KMT2A: variants seen among roughly 807,000 people sequenced by gnomAD.
KMT2A encodes lysine methyltransferase 2A, also known as histone-lysine N-methyltransferase 2A.
A neutral mutation model predicts 345.3 loss-of-function variants in KMT2A; 16 were observed. The observed-to-expected ratio is 0.05, with a 90% CI of 0.03 to 0.07. The LOEUF (loss-of-function observed/expected upper bound fraction) is 0.07. KMT2A is among the 10% of genes least tolerant of loss of function. The pLI, the probability that KMT2A is intolerant of heterozygous loss-of-function variation, is 1.00. For synonymous variants in KMT2A, 1,599 were observed against 1,778.6 expected, an observed-to-expected ratio of 0.90 and a Z score of 2.54; for missense variants, 3,272 against 4,841.6, an observed-to-expected ratio of 0.68 and a Z score of 9.62.
intron 1 of KMT2A, among the ~76,000 whole-genome samples, chr11:118,464,678 T>A (rs1949808987): frequency 6.6e-6 from 1 of 152,156 alleles, no homozygotes; most frequent in African/African-American, 2.4e-5. Flanking sequence ...TCCTGAAGCA[T>A]GTCTTTGAAG....
Position 118,463,816 on chromosome 11 carries a change from G to A in KMT2A, c.433-4959G>A, listed in dbSNP as rs781950365. ...AAAAACTGCAGAATTTCAAAATTTTGTATGCACCAAAATAAACTTGCACTA... is the reference window on the plus strand; with the variant it reads ...AAAAACTGCAGAATTTCAAAATTTTATATGCACCAAAATAAACTTGCACTA... On this transcript the variant is annotated intron_variant, in intron 1 of 35. Coordinates refer to ENST00000534358, the MANE Select transcript of KMT2A (RefSeq NM_001197104.2). 5.9e-5 allele frequency among the ~76,000 whole-genome samples: 9 copies of A among 152,222 alleles called. No individual in the cohort carries two copies. The South Asian group carries it at 8.3e-4, about 14-fold the overall frequency.
Position 118,473,372 on chromosome 11 carries a change from G to T in KMT2A, c.2213G>T (p.Arg738Ile), listed in dbSNP as rs1555036415. 1 of 1,614,050 alleles carries T rather than the reference G, an allele frequency of 6.2e-7. No homozygotes were observed. Among genetic ancestry groups the T allele is most frequent in the Non-Finnish European group, 8.5e-7 (1 of 1,179,978 alleles). Residue 738 changes from arginine to isoleucine, a missense_variant, in exon 3 of 36, where the codon AGA (arginine) becomes ATA (isoleucine). Arg to Ile is a moderately conservative substitution (Grantham distance 97, BLOSUM62 -3). Coordinates refer to ENST00000534358, the MANE Select transcript of KMT2A (RefSeq NM_001197104.2). The surrounding 1 kb of genome is among the most constrained non-coding windows in gnomAD (Gnocchi z 5.2). Reference protein sequence around the residue: ...SSGVSNRKRKRKVFSPIRSEP... With the variant: ...SSGVSNRKRKIKVFSPIRSEP... ...GGAGTATCCAATAGAAAAAGGAAAA[G>T]AAAAGTGTTTAGTCCTATTCGATCT...
At chr11:118,489,941 C>T in intron 12 of KMT2A, 54 bp downstream of exon 12, 4 of 1,511,874 alleles carry the variant, frequency 2.6e-6, no homozygotes, top group South Asian at 1.1e-5. Flanking sequence ...GACTATTGGA[C>T]TTATGTAACT....
In KMT2A at chr11:118,472,730, A is replaced by C. The variant is rs782781212; in HGVS notation, c.1571A>C (p.Asn524Thr). 1 of 1,613,742 alleles carries C rather than the reference A, an allele frequency of 6.2e-7. No individual in the cohort carries two copies. Among genetic ancestry groups the C allele is most frequent in the Admixed American group, 1.7e-5 (1 of 59,940 alleles). ...PISQSPENESNDRRSRRYSVS... is the reference protein window; with the variant it reads ...PISQSPENESTDRRSRRYSVS... ...TCCCAGTCCCCAGAAAATGAGAGTA[A>C]TGATAGGAGAAGCAGAAGGTATTCA... The change falls in exon 3 of 36, where the codon AAT (asparagine) becomes ACT (threonine). Residue 524 changes from asparagine to threonine, a missense_variant. Physicochemically the swap from Asn to Thr is moderately conservative, Grantham distance 65. Coordinates refer to ENST00000534358, the MANE Select transcript of KMT2A (RefSeq NM_001197104.2).
intron 1 of KMT2A, among the ~76,000 whole-genome samples, chr11:118,442,261 A>G (rs782374097): frequency 7.9e-5 from 12 of 152,194 alleles, no homozygotes; most frequent in Non-Finnish European, 1.2e-4. Context: ...GACTATCACT[A>G]CTTTGGGAGG....
rs1006455914 is a variant in KMT2A at position 118,520,688 on chromosome 11, G to A, written c.11430-114G>A. The A allele has an allele frequency of 7.4e-4, 546 of 737,928 alleles. 4 individuals carry two copies. Among genetic ancestry groups the A allele is most frequent in the Non-Finnish European group, 1.3e-4 (56 of 429,496 alleles). 45.7% of individuals were successfully genotyped at this position (737,928 alleles called of 1,614,324 possible). A position where few individuals can be genotyped will look rare whatever the true frequency, so the allele number is the denominator to read the frequency against. On this transcript the variant is annotated intron_variant, in intron 33 of 35. Transcript: ENST00000534358. This position sits in a 1 kb window ranked among gnomAD's most constrained non-coding sequence, Gnocchi z 4.3. ...GGGGCGCTCATTTTATAAGGCACTC[G>A]TTCAGTTTGGCATTAAACAAAGAGT... is the stretch of plus-strand genomic sequence containing the variant.
chr11:118,474,494 G>T (rs1949998339), intron 3 of KMT2A, among the ~76,000 whole-genome samples, 179 bp downstream of exon 3: 1 of 152,178 alleles, frequency 6.6e-6, no homozygotes, highest in Non-Finnish European at 1.5e-5. Context: ...GTAGAAAGTG[G>T]CAGGACATAA....
In KMT2A at chr11:118,524,698, A is replaced by AT. The variant is rs566548407; in HGVS notation, c.*2534dup. 100 of 171,856 alleles carry AT rather than the reference A, an allele frequency of 5.8e-4. No homozygotes were observed. Among genetic ancestry groups the AT allele is most frequent in the Middle Eastern group, 2.2e-3 (1 of 452 alleles). 10.6% of individuals were successfully genotyped at this position (171,856 alleles called of 1,614,324 possible). On this transcript the variant is annotated 3_prime_UTR_variant, in exon 36 of 36. Transcript: ENST00000534358. Reference sequence around the variant, plus strand: ...TTTTTTTGTAAATCCTTGTATTCCTATTTTTTTTAAAGAAAAAAAAAAAAC... The same window carrying AT: ...TTTTTTTGTAAATCCTTGTATTCCTATTTTTTTTTAAAGAAAAAAAAAAAAC...
rs1423695688 is a variant in KMT2A, at chr11:118,501,234, A to C, written c.6319+87A>C. On this transcript the variant is annotated intron_variant, in intron 25 of 35. Coordinates refer to ENST00000534358, the MANE Select transcript of KMT2A (RefSeq NM_001197104.2). ...GCACTTTGGGAGGCTGAGGCAGGTG[A>C]ATCACTTGAGGCCAGGAGTTCAAGA... 6 of 1,252,788 alleles carry C rather than the reference A, an allele frequency of 4.8e-6. No homozygotes were observed. The East Asian group carries it at 1.4e-4, about 30-fold the overall frequency. 77.6% of individuals were successfully genotyped at this position (1,252,788 alleles called of 1,614,324 possible). A position where few individuals can be genotyped will look rare whatever the true frequency, so the allele number is the denominator to read the frequency against.
rs1555048916 is a variant in KMT2A, at chr11:118,507,603, C to T, written c.10829C>T (p.Pro3610Leu). Reference sequence around the variant, plus strand: ...TCCTCCCAGAAGGAGTGTGGGCAACCTGCAGGGTAAGCTGAAGAATTCGTC... The same window carrying T: ...TCCTCCCAGAAGGAGTGTGGGCAACTTGCAGGGTAAGCTGAAGAATTCGTC... ...EQSSQKECGQPAGQVAVLPEV... is the reference protein window; with the variant it reads ...EQSSQKECGQLAGQVAVLPEV... The change falls in exon 28 of 36, where the codon CCT (proline) becomes CTT (leucine). Residue 3610 changes from proline (P) to leucine (L), a missense_variant. Coordinates refer to ENST00000534358, the MANE Select transcript of KMT2A (RefSeq NM_001197104.2). The T allele has an allele frequency of 2.5e-6, 4 of 1,612,932 alleles. No homozygotes were observed. In the South Asian group the frequency reaches 3.3e-5, roughly 13 times the overall value.
intron 4 of KMT2A, among the ~76,000 whole-genome samples, 170 bp from the exon 5 acceptor site, chr11:118,477,797 A>G (rs890208317): frequency 1.2e-4 from 18 of 152,150 alleles, no homozygotes; most frequent in African/African-American, 4.3e-4. Flanking sequence ...ATGAGCCACC[A>G]TTCCTGGCCA....
At chr11:118,501,356 C>T (rs1357912240) in intron 25 of KMT2A, among the ~76,000 whole-genome samples, 1 of 152,044 alleles carries the variant, frequency 6.6e-6, no homozygotes, top group Non-Finnish European at 1.5e-5. Context: ...GTAATCCCAG[C>T]CACTCAGGAG....
chr11:118,461,174 G>A (rs948722769), intron 1 of KMT2A, among the ~76,000 whole-genome samples: 3 of 151,900 alleles, frequency 2.0e-5, no homozygotes, highest in African/African-American at 7.3e-5. Context: ...CTATTGCTTC[G>A]TCACTCACAG....
At chr11:118,440,398 G>A (rs967287682) in intron 1 of KMT2A, among the ~76,000 whole-genome samples, 3 of 152,208 alleles carry the variant, frequency 2.0e-5, no homozygotes, top group East Asian at 3.9e-4. Flanking sequence ...ATTTTTCTAA[G>A]GATTCTCTCA....
chr11:118,492,277 G>A (rs1257973649), intron 15 of KMT2A, among the ~76,000 whole-genome samples: 1 of 152,226 alleles, frequency 6.6e-6, no homozygotes, highest in Non-Finnish European at 1.5e-5. Context: ...AGACACCTGA[G>A]CCTAGAGGCA....
rs1555040417 is a variant in KMT2A, at chr11:118,484,824, T to C, written c.4219-38T>C. ...TTATTTTCCATCCAAAGTTGTGTAA[T>C]TGTAAAACTTTCCTAAGTGACCTTT... is the stretch of plus-strand genomic sequence containing the variant. On this transcript the variant is annotated intron_variant, in intron 9 of 35. Coordinates refer to ENST00000534358, the MANE Select transcript of KMT2A (RefSeq NM_001197104.2). This position sits in a 1 kb window ranked among gnomAD's most constrained non-coding sequence, Gnocchi z 4.1. The C allele has an allele frequency of 3.7e-6, 5 of 1,350,378 alleles. No homozygotes were observed. The highest frequency in any genetic ancestry group is 3.2e-6 in the Non-Finnish European group (3 of 940,352). The allele number at this position is 1,350,378 out of a possible 1,614,324, so 83.6% of individuals were successfully genotyped here.
At chr11:118,469,178 A>G (rs1288214512) in intron 2 of KMT2A, among the ~76,000 whole-genome samples, 5 of 123,510 alleles carry the variant, frequency 4.0e-5, no homozygotes, top group Middle Eastern at 6.6e-3. Context: ...ACTCTTATCT[A>G]TCAGGCCACA....
At chr11:118,511,442 T>C (rs1028884146) in intron 30 of KMT2A, among the ~76,000 whole-genome samples, 2 of 152,138 alleles carry the variant, frequency 1.3e-5, no homozygotes, top group Middle Eastern at 3.2e-3. Flanking sequence ...AAGAAATCCA[T>C]GTGGAAATGC....
chr11:118,477,460 A>G (rs1241617659), intron 4 of KMT2A, among the ~76,000 whole-genome samples: 1 of 82,892 alleles, frequency 1.2e-5, no homozygotes, highest in Non-Finnish European at 2.6e-5. Context: ...TGTTTTCAGT[A>G]TTTGGAATTT....
Sources: allele counts gnomAD v4.1 joint callset (sites outside exome capture counted in the v4.1 genomes callset), GRCh38; gene constraint gnomAD v4.1.1; non-coding constraint Gnocchi (gnomAD v3.1); transcripts MANE v1.5; gene names NCBI Gene and HGNC (gene_info 2026-07-23, HGNC 2026-07-21).